The following ARMH3 variants were observed in gnomAD, a reference collection of about 807,000 sequenced individuals.
ARMH3 encodes the protein armadillo-like helical domain-containing protein 3.
In ARMH3, 60 loss-of-function variants were observed where a neutral mutation model predicts 99.1. The observed-to-expected ratio is 0.61, with a 90% CI of 0.49 to 0.75. The LOEUF is 0.75. ARMH3 is among the 30% of genes least tolerant of loss of function. The pLI is 0.00. For missense variants in ARMH3, 679 were observed against 843.1 expected (o/e 0.81, Z 2.41); for synonymous variants, 285 against 292.8 (o/e 0.97, Z 0.27).
intron 23 of ARMH3, among the ~76,000 whole-genome samples, chr10:101,904,706 C>A (rs1461744746): frequency 6.6e-6 from 1 of 151,542 alleles, no homozygotes; most frequent in Non-Finnish European, 1.5e-5. Context: ...GTAATCCCAG[C>A]ACTTTGGGAG....
At chr10:101,895,278 CT>C (rs745819768) in intron 23 of ARMH3, among the ~76,000 whole-genome samples, 1,490 of 131,666 alleles carry the variant, frequency 0.011, 3 homozygotes, top group African/African-American at 0.019. Flanking sequence ...CGATAAAATT[CT>C]TTTTTTTTTT....
chr10:101,919,198 C>T (rs1843205201), intron 23 of ARMH3, among the ~76,000 whole-genome samples: 3 of 151,008 alleles, frequency 2.0e-5, no homozygotes, highest in Admixed American at 2.0e-4. Context: ...TCCTTTGTTC[C>T]CTCCTTCCCT....
intron 13 of ARMH3, 114 bp downstream of exon 13, chr10:102,009,260 A>C: frequency 1.1e-6 from 1 of 914,984 alleles, no homozygotes; most frequent in East Asian, 2.4e-5. Context: ...TGTTACTACC[A>C]CTTACCAATG....
chr10:101,885,586 G>A (rs1323113622), intron 24 of ARMH3, among the ~76,000 whole-genome samples: 1 of 152,212 alleles, frequency 6.6e-6, no homozygotes, highest in Non-Finnish European at 1.5e-5. Flanking sequence ...AATTCATAGA[G>A]ACAGAGTAGA....
chr10:101,988,797 A>G (rs1846631320), intron 19 of ARMH3, among the ~76,000 whole-genome samples: 2 of 151,830 alleles, frequency 1.3e-5, no homozygotes. Context: ...GTGGTGCGCG[A>G]CTGTAGTCCC....
chr10:102,029,330 T>C (rs562100914), intron 5 of ARMH3: 11 of 966,196 alleles, frequency 1.1e-5, no homozygotes, highest in South Asian at 3.6e-5. Context: ...TACCCTTGTA[T>C]GTTGTTATAT....
intron 20 of ARMH3, among the ~76,000 whole-genome samples, chr10:101,971,958 T>G (rs1422306720): frequency 1.3e-5 from 2 of 152,204 alleles, no homozygotes; most frequent in African/African-American, 4.8e-5. Flanking sequence ...AACAGAGCAA[T>G]GCAGAGCAAT....
chr10:101,881,091 C>G (rs962868141), intron 24 of ARMH3, among the ~76,000 whole-genome samples: 4 of 152,130 alleles, frequency 2.6e-5, no homozygotes, highest in Non-Finnish European at 5.9e-5. Flanking sequence ...AACCTACTCC[C>G]ACAAATGAAT....
chr10:101,919,600 G>T (rs977623060), intron 23 of ARMH3, among the ~76,000 whole-genome samples: 1 of 152,112 alleles, frequency 6.6e-6, no homozygotes, highest in African/African-American at 2.4e-5. Context: ...GCTTCTGGTG[G>T]CTGCGGCACA....
intron 22 of ARMH3, among the ~76,000 whole-genome samples, chr10:101,946,330 A>G (rs1330407255): frequency 6.6e-6 from 1 of 152,176 alleles, no homozygotes; most frequent in Non-Finnish European, 1.5e-5. Context: ...AACTGAAGCC[A>G]TAACAAAGAA....
At chr10:101,858,206 T>C (rs2066778822) in intron 24 of ARMH3, among the ~76,000 whole-genome samples, 1 of 152,220 alleles carries the variant, frequency 6.6e-6, no homozygotes, top group South Asian at 2.1e-4. Flanking sequence ...TTGGGTCTAG[T>C]TGTACCTGGG....
intron 1 of ARMH3, among the ~76,000 whole-genome samples, chr10:102,051,124 C>T (rs1283722537): frequency 7.0e-6 from 1 of 143,510 alleles, no homozygotes; most frequent in Non-Finnish European, 1.5e-5. Flanking sequence ...ACTTGTACTC[C>T]ACCCTGCTGG....
At chr10:101,859,038 C>G (rs2066799574) in intron 24 of ARMH3, among the ~76,000 whole-genome samples, 1 of 152,200 alleles carries the variant, frequency 6.6e-6, no homozygotes, top group Non-Finnish European at 1.5e-5. Flanking sequence ...CCCTCAGAGC[C>G]AAGTCTTGCC....
chr10:101,942,852 C>A (rs1177902982), intron 22 of ARMH3, among the ~76,000 whole-genome samples: 2 of 141,416 alleles, frequency 1.4e-5, no homozygotes, highest in Admixed American at 7.3e-5. Flanking sequence ...GGCAACAGAG[C>A]AAGACTCCAT....
intron 17 of ARMH3, among the ~76,000 whole-genome samples, chr10:101,993,323 G>A (rs527730135): frequency 4.0e-5 from 6 of 149,568 alleles, no homozygotes; most frequent in African/African-American, 7.4e-5. Flanking sequence ...TCATTGCCAC[G>A]CTTGTGAATC....
intron 2 of ARMH3, among the ~76,000 whole-genome samples, chr10:102,035,745 G>C (rs560708831): frequency 2.4e-4 from 37 of 152,244 alleles, no homozygotes; most frequent in African/African-American, 8.7e-4. Flanking sequence ...GTGTGATCTC[G>C]GCTCGCTACA....
intron 20 of ARMH3, among the ~76,000 whole-genome samples, chr10:101,964,098 G>A (rs745462436): frequency 2.0e-5 from 3 of 151,986 alleles, no homozygotes; most frequent in Non-Finnish European, 2.9e-5. Flanking sequence ...GGATAGTCTC[G>A]ATCTCCTGAC....
chr10:101,928,656 GA>G (rs1843599022), intron 23 of ARMH3, among the ~76,000 whole-genome samples: 1 of 152,216 alleles, frequency 6.6e-6, no homozygotes, highest in African/African-American at 2.4e-5. Flanking sequence ...GCAAGAGAGA[GA>G]GGCCTTGTCT....
intron 20 of ARMH3, among the ~76,000 whole-genome samples, chr10:101,959,052 C>T (rs1029851448): frequency 2.0e-5 from 3 of 152,174 alleles, no homozygotes; most frequent in Non-Finnish European, 2.9e-5. Context: ...CTCTTTACCC[C>T]GGCCCCAACT....
Sources: allele counts gnomAD v4.1 joint callset (sites outside exome capture counted in the v4.1 genomes callset), GRCh38; gene constraint gnomAD v4.1.1; transcripts MANE v1.5; gene names NCBI Gene and HGNC (gene_info 2026-07-23, HGNC 2026-07-21).